The following KLHL13 variants were observed in gnomAD, a reference collection of about 807,000 sequenced individuals.
The protein encoded by KLHL13 is kelch like family member 13.
Under a neutral mutation model 37.1 loss-of-function variants are expected in KLHL13, and 10 were observed. That is an observed-to-expected ratio of 0.27 (90% CI 0.17 to 0.46). The LOEUF is 0.46. Among genes scored for constraint, KLHL13 ranks in the 20% least tolerant of loss-of-function variants. The pLI, the probability that KLHL13 is intolerant of heterozygous loss-of-function variation, is 1.00. For missense variants in KLHL13, 360 were observed against 509.3 expected (o/e 0.71, Z 2.82); for synonymous variants, 163 against 181.2 (o/e 0.90, Z 0.81).
intron 1 of KLHL13, among the ~76,000 whole-genome samples, chrX:118,070,691 A>G (rs1437460482): frequency 9.3e-6 from 1 of 107,652 alleles, no homozygotes; most frequent in Non-Finnish European, 1.9e-5. Context: ...GTGGTTTACA[A>G]TTTTCCACTC....
At chrX:118,064,426 G>T (rs1184866542) in intron 1 of KLHL13, among the ~76,000 whole-genome samples, 3 of 111,086 alleles carry the variant, frequency 2.7e-5, no homozygotes, top group African/African-American at 9.8e-5. Context: ...TAGAATATAA[G>T]GTTAAAAAAC....
chrX:117,964,880 T>C (rs2053388612), intron 1 of KLHL13, among the ~76,000 whole-genome samples: 1 of 111,204 alleles, frequency 9.0e-6, no homozygotes. Context: ...GAATGATGGT[T>C]TCCAGCTTCA....
chrX:118,089,215 G>A (rs2055088928), intron 1 of KLHL13, among the ~76,000 whole-genome samples: 1 of 111,048 alleles, frequency 9.0e-6, no homozygotes, highest in African/African-American at 3.3e-5. Flanking sequence ...GCGCTGGGAT[G>A]GGGTCAGAAG....
chrX:118,051,298 T>G (rs997826035), intron 1 of KLHL13, among the ~76,000 whole-genome samples: 1 of 110,536 alleles, frequency 9.0e-6, no homozygotes, highest in Non-Finnish European at 1.9e-5. Context: ...CCCAGCACTT[T>G]GGGAGGCTGA....
chrX:117,935,893 G>A (rs1016251682), intron 2 of KLHL13, among the ~76,000 whole-genome samples: 2 of 111,447 alleles, frequency 1.8e-5, no homozygotes, highest in Non-Finnish European at 3.8e-5. Flanking sequence ...TTTTTGAGGT[G>A]ATTATAATGT....
At chrX:118,089,361 A>G (rs1055049177) in intron 1 of KLHL13, among the ~76,000 whole-genome samples, 1 of 109,265 alleles carries the variant, frequency 9.2e-6, no homozygotes, top group Non-Finnish European at 1.9e-5. Flanking sequence ...ATATCACTGG[A>G]GGTCTAGTGA....
chrX:118,082,367 A>C (rs1377874756), intron 1 of KLHL13, among the ~76,000 whole-genome samples: 1 of 111,660 alleles, frequency 9.0e-6, no homozygotes, highest in Non-Finnish European at 1.9e-5. Flanking sequence ...AGTGATGTTG[A>C]GCATTTTTTT....
At chrX:118,031,889 G>A (rs939708340) in intron 1 of KLHL13, among the ~76,000 whole-genome samples, 6 of 108,857 alleles carry the variant, frequency 5.5e-5, no homozygotes, top group East Asian at 2.9e-4. Flanking sequence ...TGCGTGCACC[G>A]TGCGCGAGCC....
intron 5 of KLHL13, among the ~76,000 whole-genome samples, chrX:117,905,534 C>CAG (rs1372003696): frequency 9.0e-6 from 1 of 111,406 alleles, no homozygotes; most frequent in Non-Finnish European, 1.9e-5. Flanking sequence ...CACACACACA[C>CAG]AGTCTTTTTT....
intron 1 of KLHL13, among the ~76,000 whole-genome samples, chrX:118,001,560 T>C (rs755704665): frequency 9.0e-6 from 1 of 111,487 alleles, no homozygotes; most frequent in East Asian, 2.8e-4. Flanking sequence ...CTGGACAAGA[T>C]GGAAGAAAAA....
chrX:117,944,290 G>T (rs1166044289), intron 2 of KLHL13, among the ~76,000 whole-genome samples: 2 of 111,041 alleles, frequency 1.8e-5, no homozygotes, highest in Non-Finnish European at 3.8e-5. Flanking sequence ...AAAGATTCTC[G>T]TTCCTGACTC....
At chrX:118,001,317 A>G (rs2053918525) in intron 1 of KLHL13, among the ~76,000 whole-genome samples, 1 of 111,815 alleles carries the variant, frequency 8.9e-6, no homozygotes, top group Non-Finnish European at 1.9e-5. Flanking sequence ...AAGATATTCT[A>G]TGGCTCCTGC....
chrX:118,087,427 T>G (rs1331343312), intron 1 of KLHL13, among the ~76,000 whole-genome samples: 1 of 109,799 alleles, frequency 9.1e-6, no homozygotes, highest in African/African-American at 3.3e-5. Context: ...CTTCTGTGAG[T>G]ACATTTATTC....
intron 1 of KLHL13, among the ~76,000 whole-genome samples, chrX:118,053,887 A>G (rs915434268): frequency 2.0e-5 from 2 of 102,287 alleles, no homozygotes; most frequent in Admixed American, 1.1e-4. Flanking sequence ...AGAGAGAGAG[A>G]GAGAGAGAAA....
At chrX:117,928,879 A>G (rs893846392) in intron 2 of KLHL13, among the ~76,000 whole-genome samples, 6 of 112,054 alleles carry the variant, frequency 5.4e-5, no homozygotes, top group Non-Finnish European at 9.4e-5. Flanking sequence ...AAACAGAAAA[A>G]GCAATAAGAC....
intron 2 of KLHL13, among the ~76,000 whole-genome samples, chrX:117,944,964 C>A: frequency 8.9e-6 from 1 of 111,787 alleles, no homozygotes; most frequent in South Asian, 3.8e-4. Flanking sequence ...CGAGTTGGGA[C>A]ACCAAATAAA....
intron 1 of KLHL13, among the ~76,000 whole-genome samples, chrX:118,083,684 A>G (rs1057087051): frequency 3.6e-5 from 4 of 111,311 alleles, no homozygotes; most frequent in Non-Finnish European, 7.5e-5. Context: ...ACTACAGTTA[A>G]CAATAATGTA....
intron 1 of KLHL13, among the ~76,000 whole-genome samples, chrX:118,019,983 T>G (rs2054182866): frequency 9.2e-6 from 1 of 108,750 alleles, no homozygotes; most frequent in Non-Finnish European, 1.9e-5. Flanking sequence ...TGGGCTCTTT[T>G]TTGGTTCCAT....
chrX:118,113,068 G>C (rs946281451), intron 1 of KLHL13, among the ~76,000 whole-genome samples: 2 of 111,858 alleles, frequency 1.8e-5, no homozygotes, highest in Non-Finnish European at 3.8e-5. Context: ...ACAATGATCT[G>C]ATTTTTAATA....
Sources: gnomAD v4.1 joint callset for allele counts (sites outside exome capture counted in the v4.1 genomes callset) on GRCh38, gnomAD v4.1.1 for gene constraint, MANE v1.5 for transcripts, NCBI Gene and HGNC (gene_info 2026-07-23, HGNC 2026-07-21) for gene names.